The following MTMR8 variants were observed in gnomAD, a reference collection of about 807,000 sequenced individuals.
MTMR8 encodes the protein phosphatidylinositol-3,5-bisphosphate 3-phosphatase MTMR8.
MTMR8 carries 65 observed loss-of-function variants against 39.3 expected under a neutral mutation model. The observed-to-expected ratio is 1.65, with a 90% CI of 1.35 to 2.03. The LOEUF (loss-of-function observed/expected upper bound fraction) is 2.03. MTMR8 is among the 30% of genes most tolerant of loss of function. The pLI is 0.00. For missense variants in MTMR8, 777 were observed against 538.9 expected (o/e 1.44, Z -4.37); for synonymous variants, 245 against 185.2 (o/e 1.32, Z -2.62).
intron 12 of MTMR8, chrX:64,306,168 ATC>A (rs1922112046): frequency 3.5e-6 from 1 of 285,023 alleles, no homozygotes; most frequent in African/African-American, 2.8e-5. Context: ...TTATGACATA[ATC>A]TCTACATCGG....
chrX:64,348,540 C>G (rs1478433414), intron 6 of MTMR8, 120 bp downstream of exon 6: 2 of 891,408 alleles, frequency 2.2e-6, no homozygotes, highest in Non-Finnish European at 3.1e-6. Context: ...TACACAATGT[C>G]TGACATAATA....
Position 64,268,499 on chromosome X carries a change from G to T in MTMR8, c.*38C>A. The T allele has an allele frequency of 1.7e-6, 2 of 1,167,889 alleles. No individual in the cohort carries two copies. Among genetic ancestry groups the T allele is most frequent in the Non-Finnish European group, 2.3e-6 (2 of 874,449 alleles). ...CTCTGGGACAAGAATCATTGTAGCT[G>T]CTGTAGGTATACCTAGCATGGAAGA... On this transcript the variant is annotated 3_prime_UTR_variant, in exon 14 of 14. Transcript: ENST00000374852.
intron 12 of MTMR8, among the ~76,000 whole-genome samples, chrX:64,300,833 T>C (rs1330070722): frequency 9.2e-6 from 1 of 108,546 alleles, no homozygotes; most frequent in Non-Finnish European, 1.9e-5. Context: ...CCTTCACTTA[T>C]GAAGCTTAGT....
At chrX:64,300,699 T>C (rs1921831092) in intron 12 of MTMR8, among the ~76,000 whole-genome samples, 1 of 104,852 alleles carries the variant, frequency 9.5e-6, no homozygotes. Flanking sequence ...TGGCATGATT[T>C]TGCAGCAGCT....
intron 1 of MTMR8, among the ~76,000 whole-genome samples, chrX:64,376,994 C>T (rs902313583): frequency 3.6e-5 from 4 of 111,875 alleles, no homozygotes; most frequent in Non-Finnish European, 7.5e-5. Flanking sequence ...TCTCAGGATG[C>T]TGCTCCAGAG....
At chrX:64,389,405 G>C (rs1324288240) in intron 1 of MTMR8, among the ~76,000 whole-genome samples, 1 of 111,832 alleles carries the variant, frequency 8.9e-6, no homozygotes, top group Non-Finnish European at 1.9e-5. Flanking sequence ...ACAAAAACCA[G>C]AAAATGATAT....
At chrX:64,304,540 G>A (rs1332517602) in intron 12 of MTMR8, among the ~76,000 whole-genome samples, 1 of 110,721 alleles carries the variant, frequency 9.0e-6, no homozygotes, top group African/African-American at 3.3e-5. Context: ...TTTTACTTAT[G>A]TGGGCATCCA....
intron 9 of MTMR8, among the ~76,000 whole-genome samples, chrX:64,336,856 T>C (rs1923090631): frequency 8.9e-6 from 1 of 111,818 alleles, no homozygotes; most frequent in African/African-American, 3.3e-5. Flanking sequence ...TAAACCACTA[T>C]GGTGAGTTCT....
At chrX:64,333,957 GA>G (rs1303544580) in intron 10 of MTMR8, among the ~76,000 whole-genome samples, 1 of 111,259 alleles carries the variant, frequency 9.0e-6, no homozygotes, top group Non-Finnish European at 1.9e-5. Flanking sequence ...CAACTTCATG[GA>G]CTTCATTCTT....
chrX:64,300,708 C>G (rs1224273673), intron 12 of MTMR8, among the ~76,000 whole-genome samples: 5 of 104,513 alleles, frequency 4.8e-5, no homozygotes, highest in African/African-American at 1.8e-4. Context: ...TTTGCAGCAG[C>G]TGGTACCGGT....
chrX:64,359,922 GA>G (rs202232811), intron 1 of MTMR8, among the ~76,000 whole-genome samples: 1,093 of 43,042 alleles, frequency 0.025, 9 homozygotes, highest in Middle Eastern at 0.1. Flanking sequence ...GGCAAGAATA[GA>G]AAAAAAAAAA....
Position 64,336,523 on chromosome X carries a change from C to T in MTMR8, c.1102-395G>A, listed in dbSNP as rs556243996. Among the ~76,000 whole-genome samples, 69 of 110,025 alleles carry T rather than the reference C, an allele frequency of 6.3e-4. No individual in the cohort carries two copies. The South Asian group carries it at 0.013, about 21-fold the overall frequency. On this transcript the variant is annotated intron_variant, in intron 9 of 13. Transcript: ENST00000374852. Reference sequence around the variant, plus strand: ...AAAAAAAAAAAAAATTCTAGCCAGGCATGGTGGCTTACACCTGTAATCCCA... The same window carrying T: ...AAAAAAAAAAAAAATTCTAGCCAGGTATGGTGGCTTACACCTGTAATCCCA...
intron 1 of MTMR8, among the ~76,000 whole-genome samples, chrX:64,369,462 C>A (rs1367794795): frequency 1.8e-5 from 2 of 111,344 alleles, no homozygotes; most frequent in South Asian, 3.8e-4. Context: ...ATGTCCTTTG[C>A]AGGGACATGG....
chrX:64,333,328 C>T (rs1330750198), intron 10 of MTMR8, among the ~76,000 whole-genome samples: 3 of 111,474 alleles, frequency 2.7e-5, no homozygotes, highest in Non-Finnish European at 5.7e-5. Context: ...TTCCTTCACT[C>T]CAGTGCCACT....
intron 1 of MTMR8, among the ~76,000 whole-genome samples, chrX:64,377,203 G>A (rs1227821242): frequency 1.8e-5 from 2 of 112,195 alleles, no homozygotes; most frequent in East Asian, 5.7e-4. Context: ...GGGAAATGTG[G>A]GATTGGAGCC....
intron 4 of MTMR8, 134 bp downstream of exon 4, chrX:64,354,643 T>C: frequency 1.5e-6 from 1 of 648,029 alleles, no homozygotes; most frequent in Non-Finnish European, 2.3e-6. Flanking sequence ...TAAATGTCTG[T>C]TGAATGGCTG....
intron 12 of MTMR8, among the ~76,000 whole-genome samples, chrX:64,280,339 G>C (rs1931975662): frequency 8.9e-6 from 1 of 111,774 alleles, no homozygotes; most frequent in East Asian, 2.8e-4. Flanking sequence ...ACATCAAAAA[G>C]ATTATCCACC....
At chrX:64,318,827 C>A (rs1922548912) in intron 12 of MTMR8, among the ~76,000 whole-genome samples, 2 of 108,515 alleles carry the variant, frequency 1.8e-5, no homozygotes, top group South Asian at 8.2e-4. Context: ...CCAGTCTCAG[C>A]CTCCCAAGTA....
At chrX:64,346,677 T>C (rs1295608404) in intron 6 of MTMR8, among the ~76,000 whole-genome samples, 1 of 110,516 alleles carries the variant, frequency 9.0e-6, no homozygotes, top group Middle Eastern at 4.2e-3. Context: ...CAGATACCTA[T>C]TTAATGTTCA....
Sources: allele counts gnomAD v4.1 joint callset (sites outside exome capture counted in the v4.1 genomes callset), GRCh38; gene constraint gnomAD v4.1.1; transcripts MANE v1.5; gene names NCBI Gene and HGNC (gene_info 2026-07-23, HGNC 2026-07-21).